Variants in B3GNT2 observed in about 807,000 individuals in gnomAD.
B3GNT2 encodes the protein N-acetyllactosaminide beta-1,3-N-acetylglucosaminyltransferase 2.
B3GNT2 carries 12 observed loss-of-function variants against 27.6 expected under a neutral mutation model. The observed-to-expected ratio is 0.44, with a 90% CI of 0.28 to 0.71. The LOEUF is 0.71. Ranked by LOEUF, B3GNT2 falls within the 30% of genes least tolerant of loss-of-function variation. The pLI is 0.17. For missense variants in B3GNT2, 413 were observed against 488.5 expected (o/e 0.85, Z 1.46); for synonymous variants, 192 against 189.7 (o/e 1.01, Z -0.10).
At chr2:62,217,300 G>A (rs1011149414) in intron 1 of B3GNT2, among the ~76,000 whole-genome samples, 2 of 152,186 alleles carry the variant, frequency 1.3e-5, no homozygotes, top group Admixed American at 6.5e-5. Context: ...AGCTATCATT[G>A]CCTGGGTTTG....
At position 62,202,375 on chromosome 2, in the gene B3GNT2, C is replaced by G. The variant is rs143785756; in HGVS notation, c.-10+6020C>G. Reference sequence around the variant, plus strand: ...CTCAAGGGATTGTAGGCTGAGAAAACAGGACACAACAGAAAGGCTCATAGA... The same window carrying G: ...CTCAAGGGATTGTAGGCTGAGAAAAGAGGACACAACAGAAAGGCTCATAGA... On this transcript the variant is annotated intron_variant, in intron 1 of 1. Transcript: ENST00000301998. 3.0e-3 allele frequency among the ~76,000 whole-genome samples: 462 copies of G among 152,320 alleles called. 1 individual carries two copies. The highest frequency in any genetic ancestry group is 5.4e-3 in the Non-Finnish European group (365 of 68,040).
At chr2:62,207,829 G>A (rs1427723974) in intron 1 of B3GNT2, among the ~76,000 whole-genome samples, 1 of 152,112 alleles carries the variant, frequency 6.6e-6, no homozygotes, top group Non-Finnish European at 1.5e-5. Flanking sequence ...GACCGCTAGG[G>A]GTCCATGGCC....
At chr2:62,208,880 G>C (rs1239958165) in intron 1 of B3GNT2, among the ~76,000 whole-genome samples, 1 of 152,124 alleles carries the variant, frequency 6.6e-6, no homozygotes, top group Non-Finnish European at 1.5e-5. Flanking sequence ...CACACCGTGT[G>C]CTAAGTCAGA....
At chr2:62,210,939 G>T (rs753249082) in intron 1 of B3GNT2, among the ~76,000 whole-genome samples, 1 of 152,150 alleles carries the variant, frequency 6.6e-6, no homozygotes, top group Admixed American at 6.5e-5. Flanking sequence ...ACTTTAAAAG[G>T]TTGGGTTCCC....
At chr2:62,202,276 A>G (rs138287301) in intron 1 of B3GNT2, among the ~76,000 whole-genome samples, 44 of 152,352 alleles carry the variant, frequency 2.9e-4, no homozygotes, top group Admixed American at 5.2e-4. Flanking sequence ...AGGCTTCTTA[A>G]GGAAGTGGCC....
At chr2:62,220,142 C>T (rs1674661577) in intron 1 of B3GNT2, among the ~76,000 whole-genome samples, 1 of 152,228 alleles carries the variant, frequency 6.6e-6, no homozygotes, top group African/African-American at 2.4e-5. Context: ...GCCTCAGCCC[C>T]CTGAACAAGG....
Position 62,222,174 on chromosome 2 carries a change from A to G in B3GNT2, c.-9-38A>G, listed in dbSNP as rs779850318. On this transcript the variant is annotated intron_variant, in intron 1 of 1. Coordinates refer to ENST00000301998, the MANE Select transcript of B3GNT2 (RefSeq NM_006577.6). This position sits in a 1 kb window ranked among gnomAD's most constrained non-coding sequence, Gnocchi z 4.2. ...AAATTGTATGTGCAAATGCAAATTG[A>G]TAAGTAATTGATACAATACTCCACC... 6.6e-6 allele frequency: 10 copies of G among 1,504,004 alleles called. No individual in the cohort carries two copies. The highest frequency in any genetic ancestry group is 8.9e-7 in the Non-Finnish European group (1 of 1,118,360). 93.2% of individuals were successfully genotyped at this position (1,504,004 alleles called of 1,614,324 possible).
At position 62,222,208 on chromosome 2, in the gene B3GNT2, C is replaced by T. The variant is rs773052080; in HGVS notation, c.-9-4C>T. On this transcript the variant is annotated splice_region_variant and splice_polypyrimidine_tract_variant and intron_variant, in intron 1 of 1. Coordinates refer to ENST00000301998, the MANE Select transcript of B3GNT2 (RefSeq NM_006577.6). This position sits in a 1 kb window ranked among gnomAD's most constrained non-coding sequence, Gnocchi z 4.2. ...TGATACAATACTCCACCCCTTTATTCCAGATATGAGAAATGAGTGTTGGAC... is the reference window on the plus strand; with the variant it reads ...TGATACAATACTCCACCCCTTTATTTCAGATATGAGAAATGAGTGTTGGAC... The T allele has an allele frequency of 3.8e-6, 6 of 1,577,942 alleles. No homozygotes were observed. Among genetic ancestry groups the T allele is most frequent in the Non-Finnish European group, 5.2e-6 (6 of 1,164,926 alleles).
chr2:62,223,071 A>T lies in B3GNT2; in HGVS notation c.851A>T (p.Asp284Val). The change falls in exon 2 of 2, where the codon GAT becomes GTT. Residue 284 changes from aspartate (D) to valine (V), a missense_variant. Coordinates refer to ENST00000301998, the MANE Select transcript of B3GNT2 (RefSeq NM_006577.6). ...DVIHNAGPHR[D>V]KKLKYYIPEV... ...ATCCACAATGCTGGACCTCATCGGG[A>T]TAAGAAGCTGAAGTACTACATCCCA... The T allele has an allele frequency of 6.2e-7, 1 of 1,614,238 alleles. No homozygotes were observed. The highest frequency in any genetic ancestry group is 1.7e-5 in the Admixed American group (1 of 60,038).
intron 1 of B3GNT2, among the ~76,000 whole-genome samples, chr2:62,203,362 G>C (rs1174636501): frequency 1.3e-5 from 2 of 152,136 alleles, no homozygotes; most frequent in African/African-American, 4.8e-5. Flanking sequence ...TTTAGCATAC[G>C]GGATATGGGA....
At chr2:62,203,362 G>A (rs1174636501) in intron 1 of B3GNT2, among the ~76,000 whole-genome samples, 1 of 152,136 alleles carries the variant, frequency 6.6e-6, no homozygotes, top group African/African-American at 2.4e-5. Flanking sequence ...TTTAGCATAC[G>A]GGATATGGGA....
At chr2:62,199,522 T>C (rs1476728804) in intron 1 of B3GNT2, among the ~76,000 whole-genome samples, 1 of 152,224 alleles carries the variant, frequency 6.6e-6, no homozygotes, top group Non-Finnish European at 1.5e-5. Context: ...TGATGTGTAA[T>C]CTATTGCAAC....
chr2:62,218,072 T>G (rs1674608660), intron 1 of B3GNT2, among the ~76,000 whole-genome samples: 1 of 152,044 alleles, frequency 6.6e-6, no homozygotes, highest in Non-Finnish European at 1.5e-5. Context: ...TTGGGGTGAG[T>G]TTTCTTAAAT....
At position 62,223,469 on chromosome 2, in the gene B3GNT2, T is replaced by G. The variant is rs1032286853; in HGVS notation, c.*55T>G. 7.1e-7 allele frequency: 1 copy of G among 1,416,636 alleles called. No individual in the cohort carries two copies. The highest frequency in any genetic ancestry group is 9.6e-7 in the Non-Finnish European group (1 of 1,038,308). The allele number at this position is 1,416,636 out of a possible 1,614,324, so 87.8% of individuals were successfully genotyped here. On this transcript the variant is annotated 3_prime_UTR_variant, in exon 2 of 2. Coordinates refer to ENST00000301998, the MANE Select transcript of B3GNT2 (RefSeq NM_006577.6). ...AGGTGTATTTTGAATAGTTCCCATG[T>G]TGTGTTCTCACATTAGAGTAATTTC...
rs148455995 is a variant in B3GNT2 at position 62,199,945 on chromosome 2, G to A, written c.-10+3590G>A. Among the ~76,000 whole-genome samples the A allele has an allele frequency of 6.0e-3, 909 of 152,314 alleles. 10 individuals are homozygous for A. Among genetic ancestry groups the A allele is most frequent in the African/African-American group, 0.021 (856 of 41,544 alleles). ...GTAATGATTTCATCATCACTCACTG[G>A]TAAGGAGACTTTGCCAGGCTGGAAC... is the stretch of plus-strand genomic sequence containing the variant. On this transcript the variant is annotated intron_variant, in intron 1 of 1. Coordinates refer to ENST00000301998, the MANE Select transcript of B3GNT2 (RefSeq NM_006577.6).
In B3GNT2 at chr2:62,206,574, T is replaced by A. The variant is rs567317943; in HGVS notation, c.-10+10219T>A. Among the ~76,000 whole-genome samples the A allele has an allele frequency of 6.6e-5, 10 of 152,378 alleles. No homozygotes were observed. In the South Asian group the frequency reaches 2.1e-3, roughly 32 times the overall value. On this transcript the variant is annotated intron_variant, in intron 1 of 1. Coordinates refer to ENST00000301998, the MANE Select transcript of B3GNT2 (RefSeq NM_006577.6). ...TTAATCCAACATTATTTTTATATGT[T>A]TTTTATTCTTGTAGAGACAGGATCT...
chr2:62,196,794 G>A (rs1674152361), intron 1 of B3GNT2, among the ~76,000 whole-genome samples: 1 of 152,130 alleles, frequency 6.6e-6, no homozygotes, highest in South Asian at 2.1e-4. Flanking sequence ...TCCTCATCCG[G>A]GGCGCGCGGG....
chr2:62,202,450 G>T (rs909473671), intron 1 of B3GNT2, among the ~76,000 whole-genome samples: 4 of 152,216 alleles, frequency 2.6e-5, no homozygotes, highest in Non-Finnish European at 5.9e-5. Context: ...AGTGCATGGT[G>T]CTTAGAAAGG....
chr2:62,197,945 A>C (rs1047573711), intron 1 of B3GNT2, among the ~76,000 whole-genome samples: 4 of 152,252 alleles, frequency 2.6e-5, no homozygotes, highest in Non-Finnish European at 4.4e-5. Context: ...CTCGGAGCCC[A>C]TGCGCTCTTA....
Sources: allele counts gnomAD v4.1 joint callset (sites outside exome capture counted in the v4.1 genomes callset), GRCh38; gene constraint gnomAD v4.1.1; non-coding constraint Gnocchi (gnomAD v3.1); transcripts MANE v1.5; gene names NCBI Gene and HGNC (gene_info 2026-07-23, HGNC 2026-07-21).